Variants in CHN1 observed in about 807,000 individuals in gnomAD.
CHN1 encodes chimerin 1, also known as N-chimaerin.
Under a neutral mutation model 59.5 loss-of-function variants are expected in CHN1, and 37 were observed. The observed-to-expected ratio is 0.62, with a 90% confidence interval of 0.48 to 0.82. The LOEUF (loss-of-function observed/expected upper bound fraction) is 0.82. Among genes scored for constraint, CHN1 ranks in the 40% least tolerant of loss-of-function variants. The probability of loss-of-function intolerance (pLI) is 0.00; values close to 1 mark genes in which losing one functional copy is unlikely to be tolerated. For missense variants in CHN1, 469 were observed against 571.0 expected (o/e 0.82, Z 1.82); for synonymous variants, 206 against 200.4 (o/e 1.03, Z -0.24).
intron 6 of CHN1, among the ~76,000 whole-genome samples, chr2:174,862,439 TCTC>T (rs1687098111): frequency 6.6e-6 from 1 of 152,052 alleles, no homozygotes; most frequent in East Asian, 1.9e-4. Flanking sequence ...TTCAAGCAAT[TCTC>T]CTGCCTCAGC....
At chr2:174,855,681 CTTTACA>C (rs950165427) in intron 6 of CHN1, among the ~76,000 whole-genome samples, 1 of 152,014 alleles carries the variant, frequency 6.6e-6, no homozygotes, top group Non-Finnish European at 1.5e-5. Flanking sequence ...CTAGTAAATG[CTTTACA>C]TGTATGATAA....
chr2:175,000,917 C>A (rs942727522), intron 1 of CHN1, among the ~76,000 whole-genome samples: 2 of 152,106 alleles, frequency 1.3e-5, no homozygotes, highest in Admixed American at 6.5e-5. Flanking sequence ...CTTATTTTTA[C>A]TCTTTTAGAG....
chr2:174,852,531 T>A (rs1686768050), intron 6 of CHN1, among the ~76,000 whole-genome samples: 1 of 152,182 alleles, frequency 6.6e-6, no homozygotes, highest in Non-Finnish European at 1.5e-5. Context: ...TTCAACACTA[T>A]TCCTGTCAGA....
intron 1 of CHN1, among the ~76,000 whole-genome samples, chr2:174,980,348 A>G (rs1403378074): frequency 6.6e-6 from 1 of 152,212 alleles, no homozygotes; most frequent in Non-Finnish European, 1.5e-5. Context: ...ATTTCCTGCT[A>G]TAATTGCATT....
At chr2:174,909,809 G>A (rs1428800155) in intron 5 of CHN1, among the ~76,000 whole-genome samples, 1 of 152,176 alleles carries the variant, frequency 6.6e-6, no homozygotes, top group African/African-American at 2.4e-5. Context: ...ACTTGTGGCT[G>A]AAAGCATCTC....
Position 174,958,371 on chromosome 2 carries a change from T to C in CHN1, c.20-6169A>G, listed in dbSNP as rs909014610. On this transcript the variant is annotated intron_variant, in intron 1 of 12. Transcript: ENST00000409900. ...TTCTGTTGAGTCCTTCTAGTGAATT[T>C]TAGTCCATGAAGGTGGTTGGGGAAC... 2.0e-5 allele frequency among the ~76,000 whole-genome samples: 3 copies of C among 152,194 alleles called. No homozygotes were observed. The East Asian group carries it at 5.8e-4, about 29-fold the overall frequency.
At chr2:174,885,579 C>T (rs1558967116) in intron 5 of CHN1, among the ~76,000 whole-genome samples, 1 of 152,020 alleles carries the variant, frequency 6.6e-6, no homozygotes, top group African/African-American at 2.4e-5. Context: ...ACTGCAACCT[C>T]CACCTCCCTG....
chr2:174,825,662 A>C (rs1685659287), intron 7 of CHN1, among the ~76,000 whole-genome samples: 1 of 152,230 alleles, frequency 6.6e-6, no homozygotes, highest in Admixed American at 6.5e-5. Flanking sequence ...CAATATTATC[A>C]GTACATTACA....
intron 6 of CHN1, among the ~76,000 whole-genome samples, chr2:174,874,533 C>CAT (rs1687502049): frequency 6.6e-6 from 1 of 152,212 alleles, no homozygotes; most frequent in Non-Finnish European, 1.5e-5. Flanking sequence ...ATTCACTCCT[C>CAT]ATGGTAAAAA....
At chr2:174,848,461 C>T (rs919785791) in intron 6 of CHN1, among the ~76,000 whole-genome samples, 1 of 152,104 alleles carries the variant, frequency 6.6e-6, no homozygotes, top group Non-Finnish European at 1.5e-5. Flanking sequence ...TCCCTAAGTA[C>T]GTCCTATCAT....
At chr2:174,813,787 A>G (rs1386079447) in intron 8 of CHN1, among the ~76,000 whole-genome samples, 1 of 152,224 alleles carries the variant, frequency 6.6e-6, no homozygotes, top group Non-Finnish European at 1.5e-5. Context: ...AGTGAAGCCA[A>G]TTTGAAAATC....
intron 2 of CHN1, among the ~76,000 whole-genome samples, chr2:174,945,711 A>C (rs570529938): frequency 6.6e-6 from 1 of 152,130 alleles, no homozygotes; most frequent in South Asian, 2.1e-4. Flanking sequence ...CATATAATTT[A>C]ATACTCTAAA....
chr2:174,975,289 A>G (rs550947091), intron 1 of CHN1, among the ~76,000 whole-genome samples: 78 of 152,286 alleles, frequency 5.1e-4, no homozygotes, highest in African/African-American at 1.7e-3. Flanking sequence ...CATTTCTTAG[A>G]TTTTTTTAAT....
chr2:174,913,638 A>C (rs4972732), intron 5 of CHN1, among the ~76,000 whole-genome samples: 47,898 of 151,912 alleles, frequency 0.32, 8,769 homozygotes, highest in Admixed American at 0.45. Flanking sequence ...ATTTCCATGA[A>C]CTCCTGTGAC....
intron 2 of CHN1, among the ~76,000 whole-genome samples, chr2:174,947,313 T>C (rs558921253): frequency 1.3e-5 from 2 of 152,286 alleles, no homozygotes; most frequent in African/African-American, 4.8e-5. Context: ...TATAGTATTT[T>C]CTTAACATTA....
chr2:175,005,323 G>C lies in CHN1; in HGVS notation c.-411C>G, dbSNP rs548706957. The C allele has an allele frequency of 1.0e-5, 12 of 1,178,776 alleles. No individual in the cohort carries two copies. The African/African-American group carries it at 2.0e-4, about 19-fold the overall frequency. The allele number at this position is 1,178,776 out of a possible 1,614,324, so 73.0% of individuals were successfully genotyped here. A position where few individuals can be genotyped will look rare whatever the true frequency, so the allele number is the denominator to read the frequency against. On this transcript the variant is annotated 5_prime_UTR_variant, in exon 1 of 13. Coordinates refer to ENST00000409900, the MANE Select transcript of CHN1 (RefSeq NM_001822.7). ...GCAGCCTCGCACAGCCCCCGGCGGG[G>C]CGCGCTCACTCCGCATCCCGCGGCC...
At chr2:174,863,102 A>G (rs1444959626) in intron 6 of CHN1, among the ~76,000 whole-genome samples, 1 of 152,184 alleles carries the variant, frequency 6.6e-6, no homozygotes, top group African/African-American at 2.4e-5. Flanking sequence ...TACTACTTCA[A>G]TGAGTTATCT....
intron 11 of CHN1, chr2:174,802,069 T>C (rs1047807866): frequency 8.5e-6 from 3 of 352,430 alleles, no homozygotes; most frequent in Admixed American, 4.0e-5. Flanking sequence ...CTTGAGTATC[T>C]TGGAGTCTGA....
At chr2:174,998,366 T>G (rs925885593) in intron 1 of CHN1, among the ~76,000 whole-genome samples, 3 of 148,444 alleles carry the variant, frequency 2.0e-5, no homozygotes, top group Non-Finnish European at 4.5e-5. Context: ...AGCTGAAGAT[T>G]ATGACAGAAA....
Sources: gnomAD v4.1 joint callset for allele counts (sites outside exome capture counted in the v4.1 genomes callset) on GRCh38, gnomAD v4.1.1 for gene constraint, MANE v1.5 for transcripts, NCBI Gene and HGNC (gene_info 2026-07-23, HGNC 2026-07-21) for gene names.